Variants in HDAC9 observed in about 807,000 individuals in gnomAD.
HDAC9 encodes the protein histone deacetylase 9.
A neutral mutation model predicts 139.4 loss-of-function variants in HDAC9; 41 were observed. The ratio of observed to expected loss-of-function variants is 0.29; its 90% CI spans 0.23 to 0.38. HDAC9 has a LOEUF of 0.38. Ranked by LOEUF, HDAC9 falls within the 10% of genes least tolerant of loss-of-function variation. The pLI, the probability that HDAC9 is intolerant of heterozygous loss-of-function variation, is 1.00. For missense variants in HDAC9, 1,147 were observed against 1,297.0 expected, an observed-to-expected ratio of 0.88 and a Z score of 1.78; for synonymous variants, 517 against 476.2, an observed-to-expected ratio of 1.09 and a Z score of -1.12.
intron 17 of HDAC9, among the ~76,000 whole-genome samples, chr7:18,821,227 T>C (rs1334452239): frequency 6.6e-6 from 1 of 152,240 alleles, no homozygotes; most frequent in African/African-American, 2.4e-5. Flanking sequence ...TTAAAGGCCC[T>C]ACCATTTAAT....
chr7:18,271,393 C>T (rs1488880291), intron 2 of HDAC9, among the ~76,000 whole-genome samples: 1 of 152,136 alleles, frequency 6.6e-6, no homozygotes, highest in Non-Finnish European at 1.5e-5. Flanking sequence ...TAGAAGGATC[C>T]ATAACTTAGA....
chr7:18,957,522 G>A (rs928254654), intron 24 of HDAC9, among the ~76,000 whole-genome samples: 10 of 152,008 alleles, frequency 6.6e-5, no homozygotes, highest in African/African-American at 1.7e-4. Context: ...TGTGTTCCTC[G>A]TTTCCCCTTT....
At chr7:18,748,962 G>T (rs372736588) in intron 13 of HDAC9, 43 bp from the exon 14 acceptor site, 1 of 1,583,624 alleles carries the variant, frequency 6.3e-7, no homozygotes, top group Non-Finnish European at 8.7e-7. Flanking sequence ...TCATTATCTT[G>T]TACTGTTACT....
At chr7:18,764,062 C>T (rs943240552) in intron 15 of HDAC9, among the ~76,000 whole-genome samples, 1 of 152,000 alleles carries the variant, frequency 6.6e-6, no homozygotes, top group African/African-American at 2.4e-5. Context: ...AAATTTGACT[C>T]TTTTGAACAA....
chr7:18,226,715 G>T (rs988083981), intron 2 of HDAC9, among the ~76,000 whole-genome samples: 5 of 152,214 alleles, frequency 3.3e-5, no homozygotes, highest in African/African-American at 1.2e-4. Context: ...TGGGCAAGAA[G>T]AAAGATGTCT....
chr7:18,640,808 A>G (rs551808794), intron 8 of HDAC9, among the ~76,000 whole-genome samples: 11 of 152,092 alleles, frequency 7.2e-5, no homozygotes, highest in African/African-American at 2.6e-4. Context: ...CACCACAAAA[A>G]TCCATCGTGG....
chr7:18,142,277 C>T (rs1785955162), intron 1 of HDAC9, among the ~76,000 whole-genome samples: 1 of 152,064 alleles, frequency 6.6e-6, no homozygotes, highest in South Asian at 2.1e-4. Flanking sequence ...TAATTTGGCC[C>T]AATGAAACAA....
intron 22 of HDAC9, among the ~76,000 whole-genome samples, chr7:18,919,735 T>C (rs1803520571): frequency 6.6e-6 from 1 of 152,042 alleles, no homozygotes; most frequent in Non-Finnish European, 1.5e-5. Context: ...CTATTATTTA[T>C]CTTGTTGATA....
intron 2 of HDAC9, among the ~76,000 whole-genome samples, chr7:18,563,674 C>T (rs897950339): frequency 1.3e-5 from 2 of 152,084 alleles, no homozygotes; most frequent in African/African-American, 4.8e-5. Context: ...CCATATCATA[C>T]TCTATATCTT....
At chr7:18,713,189 T>A (rs1400805292) in intron 12 of HDAC9, among the ~76,000 whole-genome samples, 2 of 151,890 alleles carry the variant, frequency 1.3e-5, no homozygotes, top group Non-Finnish European at 2.9e-5. Context: ...AAAAAAAAAA[T>A]TTGACTGTTG....
At chr7:18,871,280 T>C (rs1205791822) in intron 21 of HDAC9, among the ~76,000 whole-genome samples, 1 of 152,196 alleles carries the variant, frequency 6.6e-6, no homozygotes, top group East Asian at 1.9e-4. Context: ...AAAGCATTTT[T>C]TTGACTTCTG....
intron 2 of HDAC9, among the ~76,000 whole-genome samples, chr7:18,275,766 A>G (rs1796678372): frequency 6.6e-6 from 1 of 152,078 alleles, no homozygotes; most frequent in Non-Finnish European, 1.5e-5. Flanking sequence ...CATACCACTG[A>G]GCCCTTCACT....
At chr7:18,470,102 C>G (rs997414341) in intron 1 of HDAC9, among the ~76,000 whole-genome samples, 1 of 151,984 alleles carries the variant, frequency 6.6e-6, no homozygotes, top group Non-Finnish European at 1.5e-5. Flanking sequence ...CTTTGGGTGG[C>G]CAAGGTAGGA....
In HDAC9 at chr7:18,350,434, C is replaced by T. The variant is rs184805977; in HGVS notation, c.-42+59919C>T. Reference sequence around the variant, plus strand: ...CTCTTTATCACCAGCTGGTCAATCACGTATCTTCATCAATACAAGTATTTT... The same window carrying T: ...CTCTTTATCACCAGCTGGTCAATCATGTATCTTCATCAATACAAGTATTTT... On this transcript the variant is annotated intron_variant, in intron 1 of 3. Coordinates refer to the HDAC9 transcript ENST00000413509. Among the ~76,000 whole-genome samples, 5 of 152,314 alleles carry T rather than the reference C, an allele frequency of 3.3e-5. No individual in the cohort carries two copies. The East Asian group carries it at 5.8e-4, about 18-fold the overall frequency.
chr7:18,162,359 G>A, intron 2 of HDAC9: 1 of 1,534,288 alleles, frequency 6.5e-7, no homozygotes, highest in Non-Finnish European at 8.7e-7. Flanking sequence ...GGTCAGTCTG[G>A]TTGCTTCTTA....
chr7:18,149,118 T>C (rs1786560001), intron 1 of HDAC9, among the ~76,000 whole-genome samples: 1 of 152,190 alleles, frequency 6.6e-6, no homozygotes, highest in Non-Finnish European at 1.5e-5. Context: ...TTTAAGATGT[T>C]ACCCAATTGG....
intron 1 of HDAC9, among the ~76,000 whole-genome samples, chr7:18,124,675 T>C (rs989085449): frequency 1.3e-5 from 2 of 152,090 alleles, no homozygotes; most frequent in Admixed American, 6.5e-5. Flanking sequence ...TTCATTTCAC[T>C]TTATTTATTT....
intron 2 of HDAC9, among the ~76,000 whole-genome samples, chr7:18,527,105 T>C (rs1461845880): frequency 6.6e-6 from 1 of 152,132 alleles, no homozygotes; most frequent in Non-Finnish European, 1.5e-5. Flanking sequence ...TAATGAAAGA[T>C]CATTTCCACA....
intron 12 of HDAC9, among the ~76,000 whole-genome samples, chr7:18,670,110 G>A (rs946170905): frequency 2.0e-5 from 3 of 151,606 alleles, no homozygotes; most frequent in Non-Finnish European, 2.9e-5. Context: ...ATTTTGAATC[G>A]CTGTAATATG....
Sources: gnomAD v4.1 joint callset for allele counts (sites outside exome capture counted in the v4.1 genomes callset) on GRCh38, gnomAD v4.1.1 for gene constraint, MANE v1.5 for transcripts, NCBI Gene and HGNC (gene_info 2026-07-23, HGNC 2026-07-21) for gene names.